The following GAD1 variants were observed in gnomAD, a reference collection of about 807,000 sequenced individuals.
GAD1 encodes the protein glutamate decarboxylase 1.
In GAD1, 35 loss-of-function variants were observed where a neutral mutation model predicts 75.2. The ratio of observed to expected loss-of-function variants is 0.47; its 90% CI spans 0.36 to 0.62. The LOEUF is 0.62. Among genes scored for constraint, GAD1 ranks in the 20% least tolerant of loss-of-function variants. The pLI is 0.00. For synonymous variants in GAD1, 257 were observed against 271.9 expected, an observed-to-expected ratio of 0.95 and a Z score of 0.54; for missense variants, 490 against 758.5, an observed-to-expected ratio of 0.65 and a Z score of 4.16.
chr2:170,829,317 G>A, intron 3 of GAD1, 158 bp from the exon 4 acceptor site: 1 of 793,520 alleles, frequency 1.3e-6, no homozygotes, highest in Non-Finnish European at 2.1e-6. Flanking sequence ...CTGCCTGAAG[G>A]CGAGCAGTGC....
rs1457005620 is a variant in GAD1, at chr2:170,822,156, G to A, written c.145+7G>A. Reference sequence around the variant, plus strand: ...CTGGGGCTCAAGATCTGCGGTAAGTGACAGGACCCACTGGGGCCCGGCTGG... The same window carrying A: ...CTGGGGCTCAAGATCTGCGGTAAGTAACAGGACCCACTGGGGCCCGGCTGG... On this transcript the variant is annotated splice_region_variant and intron_variant, in intron 3 of 16. Coordinates refer to ENST00000358196, the MANE Select transcript of GAD1 (RefSeq NM_000817.3). 6.8e-6 allele frequency: 11 copies of A among 1,611,984 alleles called. No individual in the cohort carries two copies. The East Asian group carries it at 2.5e-4, about 36-fold the overall frequency.
At chr2:170,855,650 G>A (rs1323928772) in intron 14 of GAD1, among the ~76,000 whole-genome samples, 7 of 151,780 alleles carry the variant, frequency 4.6e-5, no homozygotes, top group Non-Finnish European at 8.8e-5. Flanking sequence ...CAAGGCAGGC[G>A]GATCATTTGA....
upstream of GAD1, chr2:170,816,178 C>G (rs6758358): frequency 0.024 from 3,671 of 152,464 alleles, 78 homozygotes; most frequent in African/African-American, 0.054. Context: ...ACCAAGGGGG[C>G]CAAAGCGAGG....
chr2:170,832,976 C>T (rs1420681692), intron 5 of GAD1, among the ~76,000 whole-genome samples: 1 of 152,238 alleles, frequency 6.6e-6, no homozygotes, highest in Non-Finnish European at 1.5e-5. Context: ...ACTCTCTCCA[C>T]ACTACAGTCT....
Position 170,818,362 on chromosome 2 carries a change from G to GC in GAD1, c.-63-162dup, listed in dbSNP as rs1172646043. The stretch of plus-strand genomic sequence containing the variant: ...AGCTAGCGCGCACGTCTCCTCCGCT[G>GC]CCCCCACCCCTGCGCACCCCTACCA... On this transcript the variant is annotated intron_variant, in intron 1 of 16. Coordinates refer to ENST00000358196, the MANE Select transcript of GAD1 (RefSeq NM_000817.3). This position sits in a 1 kb window ranked among gnomAD's most constrained non-coding sequence, Gnocchi z 5.9. 8.5e-6 allele frequency: 5 copies of GC among 587,196 alleles called. No individual in the cohort carries two copies. Among genetic ancestry groups the GC allele is most frequent in the African/African-American group, 7.5e-5 (4 of 53,602 alleles). 36.4% of individuals were successfully genotyped at this position (587,196 alleles called of 1,614,324 possible). A position where few individuals can be genotyped will look rare whatever the true frequency, so the allele number is the denominator to read the frequency against.
At position 170,853,718 on chromosome 2, in the gene GAD1, GA is replaced by G; in HGVS notation, c.1264-151del. 2 of 703,618 alleles carry G rather than the reference GA, an allele frequency of 2.8e-6. No individual in the cohort carries two copies. The highest frequency in any genetic ancestry group is 5.0e-6 in the Non-Finnish European group (2 of 403,274). The allele number at this position is 703,618 out of a possible 1,614,324, so 43.6% of individuals were successfully genotyped here. A position where few individuals can be genotyped will look rare whatever the true frequency, so the allele number is the denominator to read the frequency against. On this transcript the variant is annotated intron_variant, in intron 13 of 16. Coordinates refer to ENST00000358196, the MANE Select transcript of GAD1 (RefSeq NM_000817.3). The surrounding 1 kb of genome is among the most constrained non-coding windows in gnomAD (Gnocchi z 4.1). ...GGCAGTTTTTCCAAGAGTGATTTTAGAAAAGGGCATCAGAACAAGTGTAAGG... is the reference window on the plus strand; with the variant it reads ...GGCAGTTTTTCCAAGAGTGATTTTAGAAAGGGCATCAGAACAAGTGTAAGG...
intron 3 of GAD1, among the ~76,000 whole-genome samples, chr2:170,828,714 TCTCCCTCTGCTGTCCTCACCCTC>T (rs1702125104): frequency 8.3e-5 from 5 of 60,604 alleles, no homozygotes; most frequent in African/African-American, 1.3e-4. Context: ...TCCACACCCT[TCTCCCTCTGCTGTCCTCACCCTC>T]CTCCCTCTGC....
intron 12 of GAD1, among the ~76,000 whole-genome samples, chr2:170,851,743 T>C (rs1472015383): frequency 2.6e-5 from 4 of 152,240 alleles, no homozygotes; most frequent in African/African-American, 9.6e-5. Flanking sequence ...TTCATCATCA[T>C]ACATTAGACT....
intron 3 of GAD1, among the ~76,000 whole-genome samples, chr2:170,823,271 G>A (rs1244510351): frequency 2.0e-5 from 3 of 152,212 alleles, no homozygotes; most frequent in African/African-American, 7.2e-5. Flanking sequence ...AGAGCCGCCC[G>A]CCGCCTGGGT....
chr2:170,814,303 C>G (rs180751091), upstream of GAD1, among the ~76,000 whole-genome samples: 644 of 152,092 alleles, frequency 4.2e-3, 7 homozygotes, highest in African/African-American at 0.014. Context: ...GTGGGTTGGC[C>G]CATAGCTATT....
At chr2:170,854,650 C>T (rs2105810475) in intron 14 of GAD1, among the ~76,000 whole-genome samples, 1 of 152,318 alleles carries the variant, frequency 6.6e-6, no homozygotes, top group South Asian at 2.1e-4. Context: ...CATGATCCGC[C>T]CACCTCGGCC....
intron 14 of GAD1, among the ~76,000 whole-genome samples, chr2:170,856,380 C>T (rs923043066): frequency 8.5e-5 from 13 of 152,232 alleles, no homozygotes; most frequent in Non-Finnish European, 1.5e-4. Context: ...AGGCATAACA[C>T]TGTTATGTGG....
At chr2:170,836,576 C>T (rs1256945324) in intron 5 of GAD1, among the ~76,000 whole-genome samples, 1 of 152,126 alleles carries the variant, frequency 6.6e-6, no homozygotes, top group Non-Finnish European at 1.5e-5. Context: ...AAGCACGATG[C>T]TTTAGAAACA....
At chr2:170,854,462 G>A (rs977446761) in intron 14 of GAD1, among the ~76,000 whole-genome samples, 7 of 147,716 alleles carry the variant, frequency 4.7e-5, no homozygotes, top group Non-Finnish European at 5.9e-5. Flanking sequence ...GTGCAGTGGC[G>A]CGATCTCGGC....
chr2:170,822,039 C>T (rs755556473), intron 2 of GAD1, 48 bp from the exon 3 acceptor site: 22 of 1,492,792 alleles, frequency 1.5e-5, no homozygotes, highest in Middle Eastern at 1.7e-4. Flanking sequence ...CATTTCCCCG[C>T]GGTCGGAACC....
Position 170,818,570 on chromosome 2 carries a change from A to T in GAD1, c.-22A>T. The T allele has an allele frequency of 6.2e-7, 1 of 1,612,078 alleles. No individual in the cohort carries two copies. Among genetic ancestry groups the T allele is most frequent in the Non-Finnish European group, 8.5e-7 (1 of 1,178,166 alleles). On this transcript the variant is annotated 5_prime_UTR_variant, in exon 2 of 17. Transcript: ENST00000358196. The surrounding 1 kb of genome is among the most constrained non-coding windows in gnomAD (Gnocchi z 5.9). The stretch of plus-strand genomic sequence containing the variant: ...ACCAGTCGAGGACTCTGGACAGTAG[A>T]GGCCCCGGGACGACCGAGCTGATGG...
intron 3 of GAD1, among the ~76,000 whole-genome samples, chr2:170,824,009 G>A (rs535669599): frequency 1.2e-4 from 18 of 152,266 alleles, no homozygotes; most frequent in African/African-American, 4.1e-4. Flanking sequence ...CTAAAGAGGC[G>A]GGAAAGAGTG....
intron 3 of GAD1, chr2:170,829,029 T>C: frequency 3.4e-6 from 1 of 295,874 alleles, no homozygotes; most frequent in Non-Finnish European, 6.5e-6. Flanking sequence ...CTCACCCTCC[T>C]CCCTCAGCTG....
At chr2:170,854,238 T>C (rs1238718521) in intron 14 of GAD1, among the ~76,000 whole-genome samples, 2 of 152,214 alleles carry the variant, frequency 1.3e-5, no homozygotes, top group South Asian at 2.1e-4. Context: ...TGAACTATTA[T>C]GAAGTCTTCT....
Sources: allele counts gnomAD v4.1 joint callset (sites outside exome capture counted in the v4.1 genomes callset), GRCh38; gene constraint gnomAD v4.1.1; non-coding constraint Gnocchi (gnomAD v3.1); transcripts MANE v1.5; gene names NCBI Gene and HGNC (gene_info 2026-07-23, HGNC 2026-07-21).